MBD5: variants seen among roughly 807,000 people sequenced by gnomAD.
MBD5 encodes the protein methyl-CpG-binding domain protein 5.
MBD5 carries 13 observed loss-of-function variants against 117.3 expected under a neutral mutation model. The ratio of observed to expected loss-of-function variants is 0.11; its 90% CI spans 0.07 to 0.18. The LOEUF (loss-of-function observed/expected upper bound fraction) is 0.18, where lower values mean the gene tolerates loss of function less well. MBD5 is among the 10% of genes least tolerant of loss of function. MBD5 has a pLI of 1.00. For missense variants in MBD5, 1,879 were observed against 2,093.8 expected, an observed-to-expected ratio of 0.90 and a Z score of 2.00; for synonymous variants, 727 against 766.4, an observed-to-expected ratio of 0.95 and a Z score of 0.85.
intron 4 of MBD5, among the ~76,000 whole-genome samples, chr2:148,445,383 G>A (rs1450626071): frequency 8.6e-5 from 13 of 150,908 alleles, no homozygotes; most frequent in South Asian, 8.3e-4. Flanking sequence ...GAGAACATGC[G>A]GTGTTTGGTT....
In MBD5 at chr2:148,490,193, G is replaced by A; in HGVS notation, c.4561G>A (p.Ala1521Thr). The A allele has an allele frequency of 6.2e-7, 1 of 1,614,154 alleles. No individual in the cohort carries two copies. The highest frequency in any genetic ancestry group is 8.5e-7 in the Non-Finnish European group (1 of 1,180,032). The change falls in exon 11 of 14, where the codon GCA (alanine) becomes ACA (threonine). Residue 1521 changes from alanine (A) to threonine (T), a missense_variant. Ala to Thr is a moderately conservative substitution (Grantham distance 58). Coordinates refer to ENST00000642680, the MANE Select transcript of MBD5 (RefSeq NM_001378120.1). ...ACTAGAGAACACTGTGGAAAGATGT[G>A]CACACATAAATGGGAATAGACCTCG... Reference protein sequence around the residue: ...ERLENTVERCAHINGNRPRQS... With the variant: ...ERLENTVERCTHINGNRPRQS...
chr2:148,272,951 T>C (rs1225621308), intron 3 of MBD5, among the ~76,000 whole-genome samples: 1 of 152,226 alleles, frequency 6.6e-6, no homozygotes, highest in Non-Finnish European at 1.5e-5. Context: ...TTTTGTTTCC[T>C]AGACTGGGCT....
chr2:148,350,160 C>T (rs1047187127), intron 4 of MBD5, among the ~76,000 whole-genome samples: 9 of 151,908 alleles, frequency 5.9e-5, no homozygotes, highest in African/African-American at 2.2e-4. Context: ...TGCTTGGGGC[C>T]TGTAATCTCA....
At position 148,303,971 on chromosome 2, in the gene MBD5, A is replaced by G. The variant is rs760157821; in HGVS notation, c.-679-38243A>G. Among the ~76,000 whole-genome samples, 49 of 152,166 alleles carry G rather than the reference A, an allele frequency of 3.2e-4. 1 individual carries two copies. The highest frequency in any genetic ancestry group is 8.4e-4 in the African/African-American group (35 of 41,440). On this transcript the variant is annotated intron_variant, in intron 3 of 13. Coordinates refer to ENST00000642680, the MANE Select transcript of MBD5 (RefSeq NM_001378120.1). ...ATGAGGGGGCAATAGAGTACAAATG[A>G]CCTCAAAGCCTAACGCTGATGAACT... is the stretch of plus-strand genomic sequence containing the variant.
At chr2:148,433,168 A>T (rs1706044110) in intron 4 of MBD5, among the ~76,000 whole-genome samples, 2 of 152,010 alleles carry the variant, frequency 1.3e-5, no homozygotes, top group Admixed American at 6.6e-5. Flanking sequence ...CTCAGCTTTG[A>T]TGTTGTTGGT....
At chr2:148,295,004 T>C (rs925444590) in intron 3 of MBD5, among the ~76,000 whole-genome samples, 3 of 152,220 alleles carry the variant, frequency 2.0e-5, no homozygotes, top group Non-Finnish European at 2.9e-5. Context: ...ACATTTTCAC[T>C]TTGATGTGTC....
At chr2:148,414,556 G>A (rs1234663252) in intron 4 of MBD5, among the ~76,000 whole-genome samples, 1 of 152,066 alleles carries the variant, frequency 6.6e-6, no homozygotes, top group African/African-American at 2.4e-5. Context: ...TACTGTTAGT[G>A]GGATGTTGAA....
At chr2:148,196,276 T>C (rs1002085313) in intron 2 of MBD5, 33 of 152,202 alleles carry the variant, frequency 2.2e-4, no homozygotes, top group African/African-American at 7.7e-4. Context: ...TGTTTTAAAT[T>C]TCCATGGATG....
intron 3 of MBD5, among the ~76,000 whole-genome samples, chr2:148,279,797 G>A (rs541167017): frequency 6.6e-6 from 1 of 152,062 alleles, no homozygotes; most frequent in South Asian, 2.1e-4. Context: ...TTTAAGAAGT[G>A]TATCTCTCTG....
At chr2:148,388,722 T>TGAC (rs2105506376) in intron 4 of MBD5, among the ~76,000 whole-genome samples, 1 of 152,204 alleles carries the variant, frequency 6.6e-6, no homozygotes, top group East Asian at 1.9e-4. Context: ...TCTTCTCACA[T>TGAC]GACCTTTTCT....
At chr2:148,463,983 A>G in intron 7 of MBD5, 64 bp downstream of exon 7, 1 of 1,541,620 alleles carries the variant, frequency 6.5e-7, no homozygotes, top group African/African-American at 1.4e-5. Flanking sequence ...GCTAGAAATC[A>G]TTTTGCCTAG....
At chr2:148,173,851 A>G (rs1420905615) in intron 1 of MBD5, among the ~76,000 whole-genome samples, 8 of 152,246 alleles carry the variant, frequency 5.3e-5, no homozygotes, top group African/African-American at 1.9e-4. Context: ...TATTCTTAAA[A>G]TGCTCATATT....
At chr2:148,334,239 G>A (rs1702731051) in intron 3 of MBD5, among the ~76,000 whole-genome samples, 1 of 152,092 alleles carries the variant, frequency 6.6e-6, no homozygotes, top group Non-Finnish European at 1.5e-5. Flanking sequence ...AAACCAGCTT[G>A]CTTGGGTCTG....
chr2:148,432,875 T>C lies in MBD5; in HGVS notation c.-556-25328T>C, dbSNP rs537431427. Among the ~76,000 whole-genome samples the C allele has an allele frequency of 6.6e-5, 10 of 152,318 alleles. No individual in the cohort carries two copies. The South Asian group carries it at 2.1e-3, about 32-fold the overall frequency. On this transcript the variant is annotated intron_variant, in intron 4 of 13. Transcript: ENST00000642680. The stretch of plus-strand genomic sequence containing the variant: ...GTGCTGTTTTGGTTTCATATGAATT[T>C]TAAAATAGTTTTTCTAATTCTGTGA...
intron 4 of MBD5, among the ~76,000 whole-genome samples, chr2:148,355,914 A>G (rs910949207): frequency 7.9e-5 from 12 of 152,168 alleles, no homozygotes; most frequent in African/African-American, 2.9e-4. Flanking sequence ...TTTGGGCAGT[A>G]TGGCCATTTT....
chr2:148,377,114 T>C (rs1210330273), intron 4 of MBD5, among the ~76,000 whole-genome samples: 1 of 151,594 alleles, frequency 6.6e-6, no homozygotes, highest in East Asian at 1.9e-4. Context: ...ACTCACGCAA[T>C]CACAAGATCC....
intron 2 of MBD5, among the ~76,000 whole-genome samples, chr2:148,195,682 AG>A (rs1382960488): frequency 2.0e-5 from 3 of 152,188 alleles, no homozygotes; most frequent in Non-Finnish European, 4.4e-5. Context: ...TAAAGATTGA[AG>A]TCATCCAGAG....
intron 3 of MBD5, among the ~76,000 whole-genome samples, chr2:148,281,417 AT>A (rs1202064407): frequency 6.6e-6 from 1 of 151,608 alleles, no homozygotes; most frequent in African/African-American, 2.4e-5. Flanking sequence ...AATTTTTGTC[AT>A]TTTTTTGCAT....
At chr2:148,184,574 C>T (rs1020857991) in intron 2 of MBD5, among the ~76,000 whole-genome samples, 1 of 152,150 alleles carries the variant, frequency 6.6e-6, no homozygotes, top group Admixed American at 6.5e-5. Flanking sequence ...TCCCTTATCT[C>T]TTTTAGTATG....
Sources: gnomAD v4.1 joint callset for allele counts (sites outside exome capture counted in the v4.1 genomes callset) on GRCh38, gnomAD v4.1.1 for gene constraint, MANE v1.5 for transcripts, NCBI Gene and HGNC (gene_info 2026-07-23, HGNC 2026-07-21) for gene names.